KRABD4: variants seen among roughly 807,000 people sequenced by gnomAD.
KRABD4 encodes KRAB domain containing 4.
At chrX:46,467,920 TGTTTTTATAAA>T in the KRABD4 span, among the ~76,000 whole-genome samples, 1 of 112,273 alleles carries the variant, frequency 8.9e-6, no homozygotes, top group Non-Finnish European at 1.9e-5. Context: ...CAAATGTTTC[TGTTTTTATAAA>T]GTCCAATTTA....
chrX:46,469,089 CAT>C, the KRABD4 span, among the ~76,000 whole-genome samples: 472 of 112,479 alleles, frequency 4.2e-3, 4 homozygotes, highest in African/African-American at 0.014. Context: ...ACCTGTACCA[CAT>C]GTCTTAATTG....
At chrX:46,473,434 G>A in the KRABD4 span, 4 of 1,137,482 alleles carry the variant, frequency 3.5e-6, no homozygotes, top group East Asian at 6.3e-5. Context: ...TGCAGTGTCT[G>A]TGAGAAAGCC....
At chrX:46,460,441 A>AG in the KRABD4 span, among the ~76,000 whole-genome samples, 1 of 107,690 alleles carries the variant, frequency 9.3e-6, no homozygotes, top group Non-Finnish European at 1.9e-5. Flanking sequence ...AGCTGGGGGC[A>AG]GGGGGGTGGA....
the KRABD4 span, among the ~76,000 whole-genome samples, chrX:46,469,144 C>G: frequency 8.9e-6 from 1 of 112,021 alleles, no homozygotes; most frequent in African/African-American, 3.2e-5. Context: ...AGTATGAGTC[C>G]TCTTACTTTG....
At chrX:46,474,460 T>A in the KRABD4 span, 2 of 110,963 alleles carry the variant, frequency 1.8e-5, no homozygotes, top group East Asian at 2.8e-4. Context: ...TTGGAACATA[T>A]CCCCCATGGA....
chrX:46,467,191 T>C, the KRABD4 span, among the ~76,000 whole-genome samples: 1 of 111,941 alleles, frequency 8.9e-6, no homozygotes, highest in African/African-American at 3.3e-5. Flanking sequence ...GGATCTGTGT[T>C]TTCATATCTC....
the KRABD4 span, among the ~76,000 whole-genome samples, chrX:46,465,517 G>C: frequency 8.9e-6 from 1 of 112,717 alleles, no homozygotes; most frequent in African/African-American, 3.2e-5. Flanking sequence ...TTAATGAGTT[G>C]ATCCATGTAA....
At chrX:46,462,535 A>C in the KRABD4 span, 1 of 525,161 alleles carries the variant, frequency 1.9e-6, no homozygotes, top group Non-Finnish European at 3.0e-6. Flanking sequence ...AAGAAAGGCC[A>C]TTGTGGGTGT....
the KRABD4 span, chrX:46,456,886 G>T: frequency 2.8e-6 from 1 of 362,863 alleles, no homozygotes; most frequent in African/African-American, 2.7e-5. Context: ...AACTTGTGAA[G>T]TAAGTCATCT....
chrX:46,470,065 G>T, the KRABD4 span, among the ~76,000 whole-genome samples: 2 of 109,958 alleles, frequency 1.8e-5, no homozygotes, highest in East Asian at 2.8e-4. Context: ...CTTCTTTTTG[G>T]TTTTTTGTTG....
the KRABD4 span, chrX:46,473,090 C>G: frequency 1.7e-6 from 2 of 1,197,691 alleles, no homozygotes; most frequent in Non-Finnish European, 2.3e-6. Context: ...TTTTTTGACC[C>G]TAATCAACGA....
At chrX:46,456,656 C>T in the KRABD4 span, 16 of 274,493 alleles carry the variant, frequency 5.8e-5, no homozygotes, top group Admixed American at 6.6e-4. Context: ...AAGCAGGAAG[C>T]ATAACGAGCA....
chrX:46,463,785 G>GT, the KRABD4 span, among the ~76,000 whole-genome samples: 1 of 108,511 alleles, frequency 9.2e-6, no homozygotes, highest in African/African-American at 3.4e-5. Context: ...TTTTTTGTTT[G>GT]TTTTTTGTTT....
the KRABD4 span, among the ~76,000 whole-genome samples, chrX:46,457,373 T>C: frequency 8.9e-6 from 1 of 111,831 alleles, no homozygotes; most frequent in Non-Finnish European, 1.9e-5. Context: ...ATACATGCAA[T>C]GCATATGATA....
chrX:46,457,732 TTTTGTTTGTTTG>T, the KRABD4 span, among the ~76,000 whole-genome samples: 1 of 101,103 alleles, frequency 9.9e-6, no homozygotes, highest in African/African-American at 3.7e-5. Flanking sequence ...GGTTTTTGTT[TTTTGTTTGTTTG>T]TTTGTTTGTT....
chrX:46,463,537 C>T, the KRABD4 span: 1 of 448,888 alleles, frequency 2.2e-6, no homozygotes, highest in Non-Finnish European at 3.9e-6. Flanking sequence ...GATCCCATTT[C>T]TACCTTCCAG....
the KRABD4 span, among the ~76,000 whole-genome samples, chrX:46,458,032 G>A: frequency 1.8e-5 from 2 of 111,235 alleles, no homozygotes; most frequent in African/African-American, 6.5e-5. Flanking sequence ...ATGAGCCACC[G>A]CACCTGGCCC....
At chrX:46,459,413 A>C in the KRABD4 span, among the ~76,000 whole-genome samples, 1 of 111,777 alleles carries the variant, frequency 8.9e-6, no homozygotes, top group Non-Finnish European at 1.9e-5. Flanking sequence ...ATTGCTTAGA[A>C]AGGCCATCAG....
At chrX:46,455,156 G>T in the KRABD4 span, 2 of 889,813 alleles carry the variant, frequency 2.2e-6, no homozygotes, top group South Asian at 4.5e-5. Flanking sequence ...AACACAGCAT[G>T]ATCACTAAGT....
Sources: allele counts gnomAD v4.1 joint callset (sites outside exome capture counted in the v4.1 genomes callset), GRCh38; gene constraint gnomAD v4.1.1; transcripts MANE v1.5; gene names NCBI Gene and HGNC (gene_info 2026-07-23, HGNC 2026-07-21).